GRIP1: variants seen among roughly 807,000 people sequenced by gnomAD.
GRIP1 encodes glutamate receptor interacting protein 1.
In GRIP1, 45 loss-of-function variants were observed where a neutral mutation model predicts 129.9. The ratio of observed to expected loss-of-function variants is 0.35; its 90% CI spans 0.27 to 0.44. GRIP1 has a LOEUF of 0.44. Ranked by LOEUF, GRIP1 falls within the 20% of genes least tolerant of loss-of-function variation. The pLI, the probability that GRIP1 is intolerant of heterozygous loss-of-function variation, is 1.00. For missense variants in GRIP1, 1,196 were observed against 1,396.8 expected (o/e 0.86, Z 2.29); for synonymous variants, 530 against 520.8 (o/e 1.02, Z -0.24).
chr12:66,514,984 G>T (rs1008829907), intron 7 of GRIP1, among the ~76,000 whole-genome samples: 5 of 152,010 alleles, frequency 3.3e-5, no homozygotes, highest in African/African-American at 1.2e-4. Context: ...TACACAAGAC[G>T]TTGGCTCTCT....
chr12:67,047,728 T>C (rs1345196290), intron 1 of GRIP1, among the ~76,000 whole-genome samples: 1 of 152,216 alleles, frequency 6.6e-6, no homozygotes, highest in Non-Finnish European at 1.5e-5. Flanking sequence ...GGCAATGCCA[T>C]ATTCTATCTT....
At chr12:66,366,783 A>C (rs1049044936) in intron 23 of GRIP1, among the ~76,000 whole-genome samples, 1 of 152,176 alleles carries the variant, frequency 6.6e-6, no homozygotes, top group Non-Finnish European at 1.5e-5. Context: ...TTCCAGGCTT[A>C]AGTGATCCTC....
intron 2 of GRIP1, among the ~76,000 whole-genome samples, chr12:66,584,521 T>C (rs1434910525): frequency 1.3e-5 from 2 of 152,070 alleles, no homozygotes; most frequent in Non-Finnish European, 2.9e-5. Context: ...TGCAATGAGC[T>C]GAGGTCACGC....
At chr12:67,035,855 C>T (rs1241388274) in intron 1 of GRIP1, among the ~76,000 whole-genome samples, 2 of 152,080 alleles carry the variant, frequency 1.3e-5, no homozygotes, top group African/African-American at 4.8e-5. Flanking sequence ...TATTTACGTG[C>T]ATTTTTAACT....
chr12:66,555,455 C>T (rs908034105), intron 2 of GRIP1, among the ~76,000 whole-genome samples: 1 of 152,174 alleles, frequency 6.6e-6, no homozygotes, highest in African/African-American at 2.4e-5. Flanking sequence ...TGGGTACAAA[C>T]AAGCCCAGAC....
chr12:66,767,447 A>G (rs1325449945), intron 1 of GRIP1, among the ~76,000 whole-genome samples: 1 of 152,188 alleles, frequency 6.6e-6, no homozygotes, highest in Admixed American at 6.5e-5. Flanking sequence ...AGTTATTTCA[A>G]CTGAAAGGTC....
intron 1 of GRIP1, among the ~76,000 whole-genome samples, chr12:67,004,000 C>G (rs1022998317): frequency 3.3e-5 from 5 of 152,172 alleles, no homozygotes; most frequent in Non-Finnish European, 5.9e-5. Context: ...TTGGCAGCAT[C>G]ATTCTAACTG....
intron 2 of GRIP1, among the ~76,000 whole-genome samples, chr12:66,569,350 G>A (rs567595109): frequency 3.3e-5 from 5 of 152,200 alleles, no homozygotes; most frequent in South Asian, 2.1e-4. Context: ...GGTGGCAGGC[G>A]CCTGCAATCC....
At chr12:66,771,390 C>A (rs369832250) in intron 1 of GRIP1, among the ~76,000 whole-genome samples, 3 of 152,202 alleles carry the variant, frequency 2.0e-5, no homozygotes, top group African/African-American at 7.2e-5. Context: ...TCATACAAGA[C>A]CTTGCACAGA....
chr12:66,605,549 T>C (rs1364593787), intron 1 of GRIP1, among the ~76,000 whole-genome samples: 1 of 152,178 alleles, frequency 6.6e-6, no homozygotes, highest in Non-Finnish European at 1.5e-5. Context: ...TCTAGGAAAA[T>C]GATCCACATA....
At chr12:66,534,291 G>A (rs1399782041) in intron 4 of GRIP1, among the ~76,000 whole-genome samples, 1 of 152,248 alleles carries the variant, frequency 6.6e-6, no homozygotes, top group South Asian at 2.1e-4. Flanking sequence ...ACCAAGTCAC[G>A]ATAGGTTTTA....
intron 1 of GRIP1, among the ~76,000 whole-genome samples, chr12:66,828,934 G>A (rs1185251527): frequency 1.3e-5 from 2 of 152,128 alleles, no homozygotes; most frequent in African/African-American, 4.8e-5. Context: ...CCAATGGTCC[G>A]ACATTTAGCC....
intron 1 of GRIP1, among the ~76,000 whole-genome samples, chr12:66,734,897 T>G (rs551896711): frequency 6.6e-6 from 1 of 152,218 alleles, no homozygotes; most frequent in Non-Finnish European, 1.5e-5. Flanking sequence ...GGCTGCATAT[T>G]ATGTCAAGCC....
intron 16 of GRIP1, among the ~76,000 whole-genome samples, chr12:66,396,173 AT>A (rs1323131506): frequency 4.6e-5 from 7 of 152,352 alleles, no homozygotes; most frequent in African/African-American, 1.7e-4. Context: ...GGAGGTGTGT[AT>A]GCCATAGGAA....
intron 4 of GRIP1, among the ~76,000 whole-genome samples, chr12:66,533,202 A>G (rs1324200401): frequency 1.3e-5 from 2 of 151,902 alleles, no homozygotes; most frequent in Non-Finnish European, 2.9e-5. Context: ...TATTTTTATT[A>G]TTTATTTATT....
At chr12:67,037,776 G>C (rs2043121207) in intron 1 of GRIP1, among the ~76,000 whole-genome samples, 1 of 152,180 alleles carries the variant, frequency 6.6e-6, no homozygotes, top group Admixed American at 6.5e-5. Context: ...AAAATGTTAA[G>C]GTTATAAACT....
At chr12:66,810,734 G>GA (rs1175535986) in intron 1 of GRIP1, among the ~76,000 whole-genome samples, 2 of 151,882 alleles carry the variant, frequency 1.3e-5, no homozygotes, top group African/African-American at 4.8e-5. Flanking sequence ...CCAAAATACA[G>GA]AAAAAAATAC....
intron 16 of GRIP1, among the ~76,000 whole-genome samples, chr12:66,400,613 TG>T (rs1219176613): frequency 1.3e-5 from 2 of 152,116 alleles, no homozygotes; most frequent in African/African-American, 2.4e-5. Flanking sequence ...AGCCTGAAAA[TG>T]GTTTTTTTTA....
intron 1 of GRIP1, among the ~76,000 whole-genome samples, chr12:66,733,988 A>G (rs1014492590): frequency 2.0e-5 from 3 of 151,718 alleles, no homozygotes; most frequent in African/African-American, 7.3e-5. Flanking sequence ...TTCAGGAGAG[A>G]GGTGGTTTTC....
Sources: allele counts gnomAD v4.1 joint callset (sites outside exome capture counted in the v4.1 genomes callset), GRCh38; gene constraint gnomAD v4.1.1; transcripts MANE v1.5; gene names NCBI Gene and HGNC (gene_info 2026-07-23, HGNC 2026-07-21).